The following SNX13 variants were observed in gnomAD, a reference collection of about 807,000 sequenced individuals.
SNX13 encodes sorting nexin-13.
A neutral mutation model predicts 133.6 loss-of-function variants in SNX13; 45 were observed. The ratio of observed to expected loss-of-function variants is 0.34; its 90% CI spans 0.27 to 0.43. The LOEUF is 0.43. SNX13 is among the 20% of genes least tolerant of loss of function. SNX13 has a pLI of 1.00. For synonymous variants in SNX13, 414 were observed against 373.9 expected (o/e 1.11, Z -1.24); for missense variants, 1,032 against 1,145.1 (o/e 0.90, Z 1.43).
chr7:17,805,250 T>TGTGTGTGTGTGTGTGTGCGCGC lies in SNX13; in HGVS notation c.2065-1671_2065-1670insGCGCGCACACACACACACACAC. ...GTGTGTGTGTGTGTGTGTGTGTGTG[T>TGTGTGTGTGTGTGTGTGCGCGC]GCGTGCGCGCGCGCGCATGCATGCA... is the stretch of plus-strand genomic sequence containing the variant. On this transcript the variant is annotated intron_variant, in intron 20 of 25. Transcript: ENST00000428135. Among the ~76,000 whole-genome samples the TGTGTGTGTGTGTGTGTGCGCGC allele has an allele frequency of 1.6e-3, 155 of 95,560 alleles. 2 individuals carry two copies. The highest frequency in any genetic ancestry group is 3.5e-3 in the Admixed American group (30 of 8,530). The allele number at this position is 95,560 out of a possible 152,430, so 62.7% of individuals were successfully genotyped here. A position where few individuals can be genotyped will look rare whatever the true frequency, so the allele number is the denominator to read the frequency against.
intron 1 of SNX13, chr7:17,899,219 C>G (rs1308178829): frequency 6.6e-6 from 1 of 151,868 alleles, no homozygotes; most frequent in Non-Finnish European, 1.5e-5. Context: ...TTTTCTTTTT[C>G]TCTTGCTGCT....
chr7:17,848,663 G>A lies in SNX13; in HGVS notation c.1065+1684C>T, dbSNP rs149441290. On this transcript the variant is annotated intron_variant, in intron 11 of 25. Coordinates refer to ENST00000428135, the MANE Select transcript of SNX13 (RefSeq NM_015132.5). Reference sequence around the variant, plus strand: ...CCCACTCACCTGGGTGCTCCCTCTCGCGAGGGGTGGAATACAGTGGGTCCG... The same window carrying A: ...CCCACTCACCTGGGTGCTCCCTCTCACGAGGGGTGGAATACAGTGGGTCCG... Among the ~76,000 whole-genome samples the A allele has an allele frequency of 8.5e-5, 13 of 152,290 alleles. No individual in the cohort carries two copies. The East Asian group carries it at 2.1e-3, about 25-fold the overall frequency.
intron 17 of SNX13, among the ~76,000 whole-genome samples, chr7:17,824,926 C>T (rs1787711425): frequency 6.6e-6 from 1 of 151,932 alleles, no homozygotes; most frequent in Non-Finnish European, 1.5e-5. Context: ...TGCACCACCA[C>T]GCCCAGCTAA....
intron 1 of SNX13, among the ~76,000 whole-genome samples, chr7:17,915,946 T>C (rs1193119146): frequency 6.6e-6 from 1 of 152,136 alleles, no homozygotes; most frequent in East Asian, 1.9e-4. Context: ...ACTGAAATCA[T>C]ACCAAGTATC....
At chr7:17,843,724 C>G (rs1790168753) in intron 12 of SNX13, among the ~76,000 whole-genome samples, 2 of 151,920 alleles carry the variant, frequency 1.3e-5, no homozygotes, top group Admixed American at 1.3e-4. Context: ...GTATCTTCTC[C>G]AACTACAATG....
In SNX13 at chr7:17,805,248, TGTGC is replaced by T. The variant is rs1161018364; in HGVS notation, c.2065-1672_2065-1669del. On this transcript the variant is annotated intron_variant, in intron 20 of 25. Coordinates refer to ENST00000428135, the MANE Select transcript of SNX13 (RefSeq NM_015132.5). ...GTGTGTGTGTGTGTGTGTGTGTGTG[TGTGC>T]GTGCGCGCGCGCGCATGCATGCACA... 4.4e-3 allele frequency among the ~76,000 whole-genome samples: 397 copies of T among 89,362 alleles called. 4 individuals carry two copies. The highest frequency in any genetic ancestry group is 0.016 in the Middle Eastern group (3 of 192). 58.6% of individuals were successfully genotyped at this position (89,362 alleles called of 152,430 possible). A position where few individuals can be genotyped will look rare whatever the true frequency, so the allele number is the denominator to read the frequency against.
intron 1 of SNX13, among the ~76,000 whole-genome samples, chr7:17,933,451 A>G (rs973759680): frequency 2.6e-5 from 4 of 152,072 alleles, no homozygotes; most frequent in African/African-American, 4.8e-5. Flanking sequence ...GCTGAGGCAA[A>G]AGAATCGCTT....
At chr7:17,887,888 G>C (rs1341038216) in intron 5 of SNX13, among the ~76,000 whole-genome samples, 1 of 150,286 alleles carries the variant, frequency 6.7e-6, no homozygotes, top group Non-Finnish European at 1.5e-5. Flanking sequence ...TTCCAGGTTT[G>C]TGGGCCCCTG....
At chr7:17,912,103 A>C (rs1360919220) in intron 1 of SNX13, among the ~76,000 whole-genome samples, 2 of 152,216 alleles carry the variant, frequency 1.3e-5, no homozygotes, top group Non-Finnish European at 1.5e-5. Flanking sequence ...GCTTTAATTC[A>C]AGAAAGAAAA....
At chr7:17,929,618 T>C (rs1272317866) in intron 1 of SNX13, among the ~76,000 whole-genome samples, 1 of 152,152 alleles carries the variant, frequency 6.6e-6, no homozygotes, top group Non-Finnish European at 1.5e-5. Context: ...TACATAAAAC[T>C]TTATCAAACT....
intron 1 of SNX13, among the ~76,000 whole-genome samples, chr7:17,912,312 A>T (rs1304096726): frequency 6.6e-6 from 1 of 152,178 alleles, no homozygotes; most frequent in Non-Finnish European, 1.5e-5. Context: ...TGTTTCTCCC[A>T]AACACTGACA....
intron 18 of SNX13, among the ~76,000 whole-genome samples, chr7:17,820,340 T>A (rs1369376510): frequency 6.6e-6 from 1 of 152,074 alleles, no homozygotes; most frequent in African/African-American, 2.4e-5. Context: ...ATATATGAGC[T>A]ATATGCTTTT....
At chr7:17,939,137 C>T (rs1268658200) in intron 1 of SNX13, among the ~76,000 whole-genome samples, 1 of 152,176 alleles carries the variant, frequency 6.6e-6, no homozygotes, top group Non-Finnish European at 1.5e-5. Context: ...AGTCACGTTC[C>T]AAGGACCTGA....
chr7:17,922,654 T>A (rs1057090507), intron 1 of SNX13, among the ~76,000 whole-genome samples: 3 of 152,224 alleles, frequency 2.0e-5, no homozygotes, highest in African/African-American at 7.2e-5. Context: ...AGCTTGACCC[T>A]GGTTTCTGTA....
At chr7:17,902,505 T>C (rs565204756) in intron 1 of SNX13, among the ~76,000 whole-genome samples, 1 of 152,158 alleles carries the variant, frequency 6.6e-6, no homozygotes, top group Non-Finnish European at 1.5e-5. Context: ...GACATTATAA[T>C]CTTATTAGTG....
intron 9 of SNX13, among the ~76,000 whole-genome samples, chr7:17,855,371 C>T (rs1430688616): frequency 6.6e-6 from 1 of 152,192 alleles, no homozygotes; most frequent in Non-Finnish European, 1.5e-5. Context: ...ACAGATTTTT[C>T]ACTGTAGACA....
intron 1 of SNX13, among the ~76,000 whole-genome samples, chr7:17,917,116 CTCT>C (rs1799642113): frequency 6.6e-6 from 1 of 152,130 alleles, no homozygotes; most frequent in Non-Finnish European, 1.5e-5. Context: ...AATCCAACAT[CTCT>C]TCAAGATAAA....
At chr7:17,890,873 CA>C (rs1286469619) in intron 4 of SNX13, among the ~76,000 whole-genome samples, 7 of 151,596 alleles carry the variant, frequency 4.6e-5, no homozygotes, top group Non-Finnish European at 8.9e-5. Context: ...TATAATTCCA[CA>C]AAAAAAGTTT....
intron 8 of SNX13, among the ~76,000 whole-genome samples, chr7:17,869,724 G>A (rs1246563828): frequency 2.0e-5 from 3 of 152,048 alleles, no homozygotes; most frequent in Non-Finnish European, 4.4e-5. Context: ...AGTCTGAAAT[G>A]ACAAAAAATT....
Sources: allele counts gnomAD v4.1 joint callset (sites outside exome capture counted in the v4.1 genomes callset), GRCh38; gene constraint gnomAD v4.1.1; transcripts MANE v1.5; gene names NCBI Gene and HGNC (gene_info 2026-07-23, HGNC 2026-07-21).